The following MAP3K7CL variants were observed in gnomAD, a reference collection of about 807,000 sequenced individuals.
MAP3K7CL encodes MAP3K7 C-terminal like.
A neutral mutation model predicts 18.6 loss-of-function variants in MAP3K7CL; 16 were observed. The observed-to-expected ratio is 0.86, with a 90% confidence interval of 0.58 to 1.31. MAP3K7CL has a LOEUF of 1.31. Among genes scored for constraint, MAP3K7CL ranks in the 50% most tolerant of loss-of-function variants. MAP3K7CL has a pLI of 0.00. For missense variants in MAP3K7CL, 163 were observed against 174.4 expected (o/e 0.93, Z 0.37); for synonymous variants, 65 against 66.8 (o/e 0.97, Z 0.13).
At chr21:29,078,453 G>A (rs2085784314) in intron 1 of MAP3K7CL, among the ~76,000 whole-genome samples, 1 of 152,146 alleles carries the variant, frequency 6.6e-6, no homozygotes, top group African/African-American at 2.4e-5. Context: ...TCAGGAGGCT[G>A]GAATTCAGAG....
At chr21:29,120,487 C>T (rs533174927) in intron 4 of MAP3K7CL, among the ~76,000 whole-genome samples, 7 of 152,122 alleles carry the variant, frequency 4.6e-5, no homozygotes, top group South Asian at 2.1e-4. Context: ...CTTAAAGGGG[C>T]GTTTTGTGCA....
At chr21:29,117,952 C>T (rs1350319082) in intron 4 of MAP3K7CL, among the ~76,000 whole-genome samples, 1 of 151,842 alleles carries the variant, frequency 6.6e-6, no homozygotes, top group South Asian at 2.1e-4. Context: ...TGTTACAAAC[C>T]AGTTGAATCT....
chr21:29,129,615 T>C (rs564775810), upstream of MAP3K7CL, among the ~76,000 whole-genome samples: 11 of 152,376 alleles, frequency 7.2e-5, no homozygotes, highest in Admixed American at 5.2e-4. Context: ...TTGGCAATTA[T>C]GCATAAACCT....
At chr21:29,162,934 G>A (rs1271982042) in intron 4 of MAP3K7CL, among the ~76,000 whole-genome samples, 1 of 152,064 alleles carries the variant, frequency 6.6e-6, no homozygotes, top group East Asian at 1.9e-4. Context: ...GCAAAGCCCT[G>A]TCTCTACTAA....
chr21:29,174,748 G>A lies in MAP3K7CL; in HGVS notation c.285G>A (p.Lys95=). 3.1e-6 allele frequency: 5 copies of A among 1,614,160 alleles called. No homozygotes were observed. Among genetic ancestry groups the A allele is most frequent in the Non-Finnish European group, 3.4e-6 (4 of 1,180,000 alleles). The change falls in exon 5 of 5, where the codon AAG becomes AAA. Residue 95 remains lysine (K), a synonymous_variant. Transcript: ENST00000399928. ...ELIAKLDQAE[K]EKVDAAELVR... ...TTGCCAAGTTAGATCAGGCAGAAAA[G>A]GAGAAGGTGGATGCTGCTGAGCTGG...
In MAP3K7CL at chr21:29,159,988, A is replaced by G. The variant is rs1462139153; in HGVS notation, c.180A>G (p.Lys60=). 2.5e-6 allele frequency: 4 copies of G among 1,614,140 alleles called. No individual in the cohort carries two copies. The South Asian group carries it at 4.4e-5, about 18-fold the overall frequency. ...CCGAGGAATCCATGGAGGTGTTCAA[A>G]CAGCACTGCCAAATAGCAGAAGAAT... is the stretch of plus-strand genomic sequence containing the variant. The part of the protein sequence containing the change: ...HDSEESMEVF[K]QHCQIAEEYH... The change falls in exon 4 of 5, where the codon AAA becomes AAG. Residue 60 remains lysine, a synonymous_variant. Coordinates refer to ENST00000399928, the MANE Select transcript of MAP3K7CL (RefSeq NM_001286620.2).
chr21:29,116,459 G>A (rs2086507092), intron 4 of MAP3K7CL, among the ~76,000 whole-genome samples: 1 of 152,180 alleles, frequency 6.6e-6, no homozygotes, highest in African/African-American at 2.4e-5. Flanking sequence ...AATCACATGG[G>A]CCTCAATTCT....
chr21:29,082,302 C>A (rs2085849020), upstream of MAP3K7CL, among the ~76,000 whole-genome samples: 1 of 152,166 alleles, frequency 6.6e-6, no homozygotes, highest in South Asian at 2.1e-4. Context: ...ATCTCAGTGG[C>A]TTAAAACAAC....
chr21:29,170,095 CTATT>C (rs1253603915), intron 4 of MAP3K7CL, among the ~76,000 whole-genome samples: 1 of 152,194 alleles, frequency 6.6e-6, no homozygotes, highest in Non-Finnish European at 1.5e-5. Flanking sequence ...TTCAGATCAT[CTATT>C]TATAAGATTG....
intron 4 of MAP3K7CL, among the ~76,000 whole-genome samples, chr21:29,117,140 T>A (rs919021062): frequency 6.6e-6 from 1 of 152,042 alleles, no homozygotes. Flanking sequence ...TTAATTTAAT[T>A]TAATATAATT....
At chr21:29,165,404 A>G (rs941228989) in intron 4 of MAP3K7CL, among the ~76,000 whole-genome samples, 10 of 151,906 alleles carry the variant, frequency 6.6e-5, no homozygotes, top group Non-Finnish European at 1.3e-4. Context: ...TTCTTTAGTG[A>G]TGATTTCTGA....
intron 4 of MAP3K7CL, among the ~76,000 whole-genome samples, chr21:29,124,933 A>G (rs1014142321): frequency 2.0e-5 from 3 of 152,190 alleles, no homozygotes; most frequent in African/African-American, 7.2e-5. Context: ...AAAACCTAAA[A>G]TATTTATCTC....
intron 2 of MAP3K7CL, chr21:29,091,579 A>G (rs2086029153): frequency 1.4e-6 from 1 of 700,984 alleles, no homozygotes; most frequent in African/African-American, 1.7e-5. Context: ...GGGCCCAGGT[A>G]ATTGTCCCAC....
intron 4 of MAP3K7CL, among the ~76,000 whole-genome samples, chr21:29,094,634 A>G (rs2086089183): frequency 6.6e-6 from 1 of 152,174 alleles, no homozygotes; most frequent in South Asian, 2.1e-4. Context: ...CTAGGCCAAA[A>G]TCCTTTGTGT....
chr21:29,110,975 G>A (rs1379665006), intron 4 of MAP3K7CL, among the ~76,000 whole-genome samples: 1 of 152,024 alleles, frequency 6.6e-6, no homozygotes, highest in Admixed American at 6.6e-5. Context: ...GTTCCTTGGG[G>A]GCTGGGCGCA....
intron 4 of MAP3K7CL, among the ~76,000 whole-genome samples, chr21:29,115,108 G>A (rs1214780812): frequency 6.6e-6 from 1 of 152,146 alleles, no homozygotes; most frequent in Non-Finnish European, 1.5e-5. Context: ...TGCTTCCTTT[G>A]ATGTGTCCCG....
At chr21:29,079,340 G>A (rs2085799096) in intron 1 of MAP3K7CL, among the ~76,000 whole-genome samples, 1 of 152,222 alleles carries the variant, frequency 6.6e-6, no homozygotes, top group African/African-American at 2.4e-5. Context: ...CTGCCCTGGT[G>A]TATCCACAAA....
intron 2 of MAP3K7CL, among the ~76,000 whole-genome samples, chr21:29,146,425 C>T (rs2087130034): frequency 6.6e-6 from 1 of 152,194 alleles, no homozygotes; most frequent in African/African-American, 2.4e-5. Context: ...ATGAAGCCTA[C>T]CTCTAAAGGT....
chr21:29,115,751 A>G (rs1447905624), intron 4 of MAP3K7CL, among the ~76,000 whole-genome samples: 3 of 152,226 alleles, frequency 2.0e-5, no homozygotes, highest in African/African-American at 4.8e-5. Context: ...CATAGCATCA[A>G]ACCAAGTGTG....
Sources: allele counts gnomAD v4.1 joint callset (sites outside exome capture counted in the v4.1 genomes callset), GRCh38; gene constraint gnomAD v4.1.1; transcripts MANE v1.5; gene names NCBI Gene and HGNC (gene_info 2026-07-23, HGNC 2026-07-21).